Variants in PDCD6IP observed in about 807,000 individuals in gnomAD.
PDCD6IP encodes the protein programmed cell death 6-interacting protein.
A neutral mutation model predicts 103.7 loss-of-function variants in PDCD6IP; 43 were observed. That is an observed-to-expected ratio of 0.41 (90% confidence interval 0.32 to 0.53). The LOEUF is 0.53. Ranked by LOEUF, PDCD6IP falls within the 20% of genes least tolerant of loss-of-function variation. The probability of loss-of-function intolerance (pLI) is 0.16; values close to 1 mark genes in which losing one functional copy is unlikely to be tolerated. For synonymous variants in PDCD6IP, 354 were observed against 378.7 expected (o/e 0.93, Z 0.76); for missense variants, 871 against 1,036.7 (o/e 0.84, Z 2.20).
chr3:33,808,680 C>T lies in PDCD6IP; in HGVS notation c.210-3392C>T, dbSNP rs1236550971. On this transcript the variant is annotated intron_variant, in intron 1 of 17. Transcript: ENST00000307296. ...TACGGTAGCTTCCTAACTGATCTCT[C>T]TACTTCTGCTCGTGCACACCTGCAG... Among the ~76,000 whole-genome samples the T allele has an allele frequency of 2.0e-5, 3 of 152,336 alleles. No homozygotes were observed. The East Asian group carries it at 5.8e-4, about 29-fold the overall frequency.
At chr3:33,836,008 C>CTTTTTTTTTTTTTTTTTTT (rs34046608) in intron 7 of PDCD6IP, 36 bp from the exon 8 acceptor site, 1 of 788,926 alleles carries the variant, frequency 1.3e-6, no homozygotes, top group Non-Finnish European at 1.9e-6. Flanking sequence ...TCACCTCCCT[C>CTTTTTTTTTTTTTTTTTTT]TTTTTTTTTT....
At chr3:33,835,029 A>G (rs904536668) in intron 7 of PDCD6IP, among the ~76,000 whole-genome samples, 1 of 152,212 alleles carries the variant, frequency 6.6e-6, no homozygotes, top group Non-Finnish European at 1.5e-5. Context: ...CATGCAAAAT[A>G]TAAGAAATTT....
intron 1 of PDCD6IP, 62 bp downstream of exon 1, chr3:33,798,999 C>G (rs1052089091): frequency 1.5e-6 from 2 of 1,369,000 alleles, no homozygotes; most frequent in East Asian, 5.1e-5. Context: ...CTCCTCTTCC[C>G]GTCTCCCCCC....
rs1478888523 is a variant in PDCD6IP, at chr3:33,867,105, T to C, written c.*580T>C. ...ATGTATATAAGTTAAACAGATACTG[T>C]TTTTAAGTGCATGAATAGTACAAGT... On this transcript the variant is annotated 3_prime_UTR_variant, in exon 18 of 18. Coordinates refer to ENST00000307296, the MANE Select transcript of PDCD6IP (RefSeq NM_013374.6). 6.6e-6 allele frequency: 1 copy of C among 152,212 alleles called. No individual in the cohort carries two copies. Among genetic ancestry groups the C allele is most frequent in the Admixed American group, 6.5e-5 (1 of 15,286 alleles). 9.4% of individuals were successfully genotyped at this position (152,212 alleles called of 1,614,324 possible). A position where few individuals can be genotyped will look rare whatever the true frequency, so the allele number is the denominator to read the frequency against.
chr3:33,832,381 C>T (rs892991228), intron 7 of PDCD6IP, among the ~76,000 whole-genome samples: 15 of 152,062 alleles, frequency 9.9e-5, no homozygotes, highest in Admixed American at 5.2e-4. Context: ...ATTCAAAATA[C>T]GAAATTTGGG....
chr3:33,820,259 G>C (rs1311982403), intron 3 of PDCD6IP, among the ~76,000 whole-genome samples: 1 of 150,404 alleles, frequency 6.6e-6, no homozygotes, highest in African/African-American at 2.5e-5. Flanking sequence ...CTCCAGCCTG[G>C]GTGAGAGAAT....
At position 33,798,812 on chromosome 3, in the gene PDCD6IP, T is replaced by G; in HGVS notation, c.84T>G (p.Thr28=). 6.4e-7 allele frequency: 1 copy of G among 1,567,562 alleles called. No homozygotes were observed. Residue 28 remains threonine, a synonymous_variant, in exon 1 of 18, where the codon ACT becomes ACG. Transcript: ENST00000307296. ...AKPLVKFIQQ[T]YPSGGEEQAQ... ...CGCTGGTGAAGTTCATCCAGCAGAC[T>G]TACCCAAGCGGCGGGGAAGAGCAGG...
intron 15 of PDCD6IP, among the ~76,000 whole-genome samples, chr3:33,855,892 A>C (rs1374460257): frequency 6.6e-6 from 1 of 152,204 alleles, no homozygotes. Context: ...GGAGGCAATC[A>C]TTCTAAGGCC....
chr3:33,854,561 C>T (rs1163482247), intron 14 of PDCD6IP: 1 of 152,194 alleles, frequency 6.6e-6, no homozygotes, highest in East Asian at 1.9e-4. Flanking sequence ...TAAGTTTTTT[C>T]AGATGCATAA....
At chr3:33,835,514 G>A (rs1697327109) in intron 7 of PDCD6IP, among the ~76,000 whole-genome samples, 1 of 152,176 alleles carries the variant, frequency 6.6e-6, no homozygotes, top group African/African-American at 2.4e-5. Flanking sequence ...ATCAGGAGTT[G>A]GAGACTGGCC....
chr3:33,862,234 G>C (rs1008478419), intron 15 of PDCD6IP, among the ~76,000 whole-genome samples: 1 of 151,336 alleles, frequency 6.6e-6, no homozygotes, highest in Non-Finnish European at 1.5e-5. Flanking sequence ...TACTTAAGAA[G>C]TAGTTTTGTT....
chr3:33,860,645 A>T (rs2125451310), intron 15 of PDCD6IP, among the ~76,000 whole-genome samples: 1 of 152,322 alleles, frequency 6.6e-6, no homozygotes, highest in South Asian at 2.1e-4. Context: ...ATCACATATT[A>T]TGTACTCTTC....
intron 12 of PDCD6IP, among the ~76,000 whole-genome samples, chr3:33,849,402 A>C (rs1192719316): frequency 3.3e-5 from 5 of 151,840 alleles, no homozygotes; most frequent in Non-Finnish European, 7.4e-5. Context: ...ACATTATTCT[A>C]TTTTTGTGTA....
At chr3:33,840,544 G>A (rs575246351) in intron 9 of PDCD6IP, among the ~76,000 whole-genome samples, 163 of 152,330 alleles carry the variant, frequency 1.1e-3, no homozygotes, top group African/African-American at 3.6e-3. Flanking sequence ...AGGAATGTAA[G>A]TTTACTCTAG....
At chr3:33,832,494 T>A (rs1222692030) in intron 7 of PDCD6IP, among the ~76,000 whole-genome samples, 2 of 152,016 alleles carry the variant, frequency 1.3e-5, no homozygotes, top group Non-Finnish European at 2.9e-5. Context: ...GTTACATATT[T>A]GGATTGTTGA....
intron 3 of PDCD6IP, among the ~76,000 whole-genome samples, chr3:33,820,071 C>G (rs1696953978): frequency 6.6e-6 from 1 of 152,090 alleles, no homozygotes; most frequent in East Asian, 1.9e-4. Flanking sequence ...ATTGCTTGAA[C>G]CAACGAGTTC....
intron 1 of PDCD6IP, among the ~76,000 whole-genome samples, chr3:33,800,102 A>G (rs988498464): frequency 1.5e-5 from 2 of 135,554 alleles, no homozygotes; most frequent in African/African-American, 5.8e-5. Context: ...CCTGGGCGAC[A>G]GAGTGAGACT....
At chr3:33,815,977 G>A (rs1425605975) in intron 3 of PDCD6IP, among the ~76,000 whole-genome samples, 2 of 152,138 alleles carry the variant, frequency 1.3e-5, no homozygotes, top group Non-Finnish European at 2.9e-5. Flanking sequence ...AGAGGTTCTG[G>A]GAATGAGGTT....
chr3:33,852,722 C>A lies in PDCD6IP; in HGVS notation c.1876C>A (p.Leu626Ile). ...QESLKKQEGL[L>I]KNIQVSHQEF... ...ATCTCTAAAGAAACAGGAGGGACTTCTTAAAAATATTCAGGTGAAATTTAT... is the reference window on the plus strand; with the variant it reads ...ATCTCTAAAGAAACAGGAGGGACTTATTAAAAATATTCAGGTGAAATTTAT... The change falls in exon 13 of 18, where the codon CTT (leucine) becomes ATT (isoleucine). Residue 626 changes from leucine to isoleucine, a missense_variant. Physicochemically the swap from Leu to Ile is conservative, Grantham distance 5 (BLOSUM62 2). Transcript: ENST00000307296. 1 of 1,579,202 alleles carries A rather than the reference C, an allele frequency of 6.3e-7. No homozygotes were observed. The highest frequency in any genetic ancestry group is 8.5e-7 in the Non-Finnish European group (1 of 1,169,976).
Sources: gnomAD v4.1 joint callset for allele counts (sites outside exome capture counted in the v4.1 genomes callset) on GRCh38, gnomAD v4.1.1 for gene constraint, MANE v1.5 for transcripts, NCBI Gene and HGNC (gene_info 2026-07-23, HGNC 2026-07-21) for gene names.